RSF1: variants seen among roughly 807,000 people sequenced by gnomAD.
RSF1 encodes HBV pX-associated protein 8.
Under a neutral mutation model 145.2 loss-of-function variants are expected in RSF1, and 13 were observed. The observed-to-expected ratio is 0.09, with a 90% confidence interval of 0.06 to 0.14. RSF1 has a LOEUF of 0.14. Ranked by LOEUF, RSF1 falls within the 10% of genes least tolerant of loss-of-function variation. The pLI is 1.00. For missense variants in RSF1, 1,517 were observed against 1,718.2 expected, an observed-to-expected ratio of 0.88 and a Z score of 2.07; for synonymous variants, 577 against 592.6, an observed-to-expected ratio of 0.97 and a Z score of 0.38.
In RSF1 at chr11:77,667,324, C is replaced by T. The variant is rs773514016; in HGVS notation, c.3919G>A (p.Glu1307Lys). ...TGAGCATTGTCACAACTCTCCTCCT[C>T]ATCCGTCTCAATCCGGTGTAGCCGT... ...RKRLHRIETD[E>K]EESCDNAHGD... Residue 1307 changes from glutamate to lysine, a missense_variant, in exon 16 of 16, where the codon GAG becomes AAG. By Grantham distance (56) the Glu-to-Lys change is moderately conservative. Around this residue, in one of 12 missense-constraint regions of RSF1, gnomAD observed 240 missense variants for 231.8 expected, o/e 1.04. Transcript: ENST00000308488. The T allele has an allele frequency of 1.2e-6, 2 of 1,614,046 alleles. No individual in the cohort carries two copies. The highest frequency in any genetic ancestry group is 1.7e-6 in the Non-Finnish European group (2 of 1,179,940).
Position 77,702,235 on chromosome 11 carries a change from C to T in RSF1, c.994G>A (p.Asp332Asn). The T allele has an allele frequency of 6.2e-7, 1 of 1,613,660 alleles. No individual in the cohort carries two copies. The highest frequency in any genetic ancestry group is 8.5e-7 in the Non-Finnish European group (1 of 1,179,930). The change falls in exon 6 of 16, where the codon GAT becomes AAT. Residue 332 changes from aspartate (D) to asparagine (N), a missense_variant. By Grantham distance (23) the Asp-to-Asn change is conservative. Coordinates refer to ENST00000308488, the MANE Select transcript of RSF1 (RefSeq NM_016578.4). ...ATGCTACTTTTGGTATCTTTAGGATCTGCTCTACATTCCTTCACCTCAACT... is the reference window on the plus strand; with the variant it reads ...ATGCTACTTTTGGTATCTTTAGGATTTGCTCTACATTCCTTCACCTCAACT... ...IKVEVKECRA[D>N]PKDTKSSMEK...
intron 15 of RSF1, among the ~76,000 whole-genome samples, chr11:77,671,179 TTATA>T (rs1959536410): frequency 2.4e-5 from 2 of 84,610 alleles, no homozygotes; most frequent in African/African-American, 5.1e-5. Flanking sequence ...ATATATATAT[TTATA>T]TGTATATATG....
chr11:77,742,495 G>C lies in RSF1; in HGVS notation c.373-1559C>G, dbSNP rs370410428. The stretch of plus-strand genomic sequence containing the variant: ...GGGTTTCATCATGTTGGTCAGGATG[G>C]TCTTGATCTCTTAACCTCGTGATCC... On this transcript the variant is annotated intron_variant, in intron 3 of 15. Coordinates refer to ENST00000308488, the MANE Select transcript of RSF1 (RefSeq NM_016578.4). 1.8e-3 allele frequency among the ~76,000 whole-genome samples: 271 copies of C among 152,252 alleles called. 4 individuals carry two copies. Among genetic ancestry groups the C allele is most frequent in the African/African-American group, 5.9e-3 (244 of 41,526 alleles).
At chr11:77,844,435 G>A in the RSF1 span, among the ~76,000 whole-genome samples, 376 of 151,656 alleles carry the variant, frequency 2.5e-3, 2 homozygotes, top group Middle Eastern at 0.01. Flanking sequence ...AGATCATGGC[G>A]CACTGTAGTC....
At chr11:77,818,406 TGA>T (rs1455632730) in intron 1 of RSF1, among the ~76,000 whole-genome samples, 1 of 152,230 alleles carries the variant, frequency 6.6e-6, no homozygotes, top group Non-Finnish European at 1.5e-5. Flanking sequence ...GTTCGTTCTC[TGA>T]GAGATACATT....
At chr11:77,771,143 A>G (rs1015609522) in intron 1 of RSF1, among the ~76,000 whole-genome samples, 1 of 152,232 alleles carries the variant, frequency 6.6e-6, no homozygotes, top group Non-Finnish European at 1.5e-5. Context: ...AAAAGAAAGA[A>G]TGACGTGACA....
chr11:77,667,698 G>C (rs1485518947), intron 15 of RSF1, among the ~76,000 whole-genome samples: 1 of 151,902 alleles, frequency 6.6e-6, no homozygotes, highest in Non-Finnish European at 1.5e-5. Context: ...TATGATTTTA[G>C]ACAATATTTT....
the RSF1 span, among the ~76,000 whole-genome samples, chr11:77,827,298 G>A: frequency 6.6e-6 from 1 of 152,128 alleles, no homozygotes; most frequent in Non-Finnish European, 1.5e-5. Flanking sequence ...TATTCTGTGA[G>A]GACAGATTTT....
At chr11:77,685,208 CTG>C (rs757073439) in intron 9 of RSF1, 49 bp from the exon 10 acceptor site, 14 of 1,150,270 alleles carry the variant, frequency 1.2e-5, no homozygotes, top group Non-Finnish European at 1.5e-5. Flanking sequence ...GAAAATAAAA[CTG>C]TTATGTAAAC....
At chr11:77,740,236 A>G (rs538606414) in intron 4 of RSF1, among the ~76,000 whole-genome samples, 1 of 152,214 alleles carries the variant, frequency 6.6e-6, no homozygotes, top group South Asian at 2.1e-4. Context: ...TTAGCTGGGC[A>G]TGGTGGCACA....
chr11:77,720,604 G>A (rs1200502847), intron 5 of RSF1, among the ~76,000 whole-genome samples: 1 of 152,160 alleles, frequency 6.6e-6, no homozygotes, highest in Non-Finnish European at 1.5e-5. Context: ...CAAGCCTGAT[G>A]CCACGACTAG....
At chr11:77,738,076 C>T (rs1961409815) in intron 4 of RSF1, among the ~76,000 whole-genome samples, 1 of 152,192 alleles carries the variant, frequency 6.6e-6, no homozygotes, top group South Asian at 2.1e-4. Flanking sequence ...TTGCAGTGAG[C>T]CAAGATCGCG....
intron 1 of RSF1, among the ~76,000 whole-genome samples, chr11:77,805,179 CAG>C (rs1402198206): frequency 1.3e-5 from 2 of 152,050 alleles, no homozygotes; most frequent in South Asian, 2.1e-4. Flanking sequence ...ATAAAAATGA[CAG>C]AATGTCTTGG....
At chr11:77,858,346 A>G in the RSF1 span, among the ~76,000 whole-genome samples, 430 of 116,840 alleles carry the variant, frequency 3.7e-3, 2 homozygotes, top group African/African-American at 0.013. Flanking sequence ...AAGGTTTAAT[A>G]GAGTGAAAAC....
the RSF1 span, among the ~76,000 whole-genome samples, chr11:77,853,732 G>A: frequency 6.6e-6 from 1 of 152,008 alleles, no homozygotes; most frequent in African/African-American, 2.4e-5. Context: ...CTTCAGGTGA[G>A]GAGTTCAAGA....
chr11:77,709,295 A>G (rs1025037475), intron 5 of RSF1, among the ~76,000 whole-genome samples: 8 of 152,164 alleles, frequency 5.3e-5, no homozygotes, highest in African/African-American at 1.7e-4. Flanking sequence ...TCTATACTAT[A>G]TATTTTATTT....
At chr11:77,691,472 G>A (rs977724345) in intron 8 of RSF1, among the ~76,000 whole-genome samples, 5 of 152,106 alleles carry the variant, frequency 3.3e-5, no homozygotes, top group Non-Finnish European at 7.4e-5. Flanking sequence ...CAAAAGAAAC[G>A]GATTCTGTGC....
rs755144281 is a variant in RSF1, at chr11:77,702,423, T to C, written c.806A>G (p.Asn269Ser). The part of the protein sequence containing the change: ...PMDLENRSTA[N>S]VLEETTVKKE... ...TTTCACAGTAGTCTCTTCTAGAACA[T>C]TGGCTGTAGAACGGTTTTCTAAATC... Residue 269 changes from asparagine (N) to serine (S), a missense_variant, in exon 6 of 16, where the codon AAT (asparagine) becomes AGT (serine). Asn to Ser is a conservative substitution (Grantham distance 46). Around this residue, in one of 12 missense-constraint regions of RSF1, gnomAD observed 207 missense variants for 191.4 expected, o/e 1.08. Coordinates refer to ENST00000308488, the MANE Select transcript of RSF1 (RefSeq NM_016578.4). 99 of 1,593,260 alleles carry C rather than the reference T, an allele frequency of 6.2e-5. 1 individual carries two copies. In the East Asian group the frequency reaches 2.0e-3, roughly 32 times the overall value.
At chr11:77,688,165 G>A (rs1960059029) in intron 9 of RSF1, among the ~76,000 whole-genome samples, 1 of 152,136 alleles carries the variant, frequency 6.6e-6, no homozygotes, top group African/African-American at 2.4e-5. Context: ...TGTGGCGCGT[G>A]CCTGTAATCC....
Sources: gnomAD v4.1 joint callset for allele counts (sites outside exome capture counted in the v4.1 genomes callset) on GRCh38, gnomAD v4.1.1 for gene constraint, gnomAD v4.1.1 regional missense constraint, MANE v1.5 for transcripts, NCBI Gene and HGNC (gene_info 2026-07-23, HGNC 2026-07-21) for gene names.